The following PPIL4 variants were observed in gnomAD, a reference collection of about 807,000 sequenced individuals.
PPIL4 encodes peptidyl-prolyl cis-trans isomerase-like 4.
PPIL4 carries 50 observed loss-of-function variants against 69.1 expected under a neutral mutation model. That is an observed-to-expected ratio of 0.72 (90% CI 0.58 to 0.92). The LOEUF (loss-of-function observed/expected upper bound fraction) is 0.92. Ranked by LOEUF, PPIL4 falls within the 40% of genes least tolerant of loss-of-function variation. The pLI, the probability that PPIL4 is intolerant of heterozygous loss-of-function variation, is 0.00. For missense variants in PPIL4, 480 were observed against 587.9 expected (o/e 0.82, Z 1.90); for synonymous variants, 193 against 191.6 (o/e 1.01, Z -0.06).
intron 12 of PPIL4, 135 bp from the exon 13 acceptor site, chr6:149,505,839 G>T: frequency 2.9e-6 from 2 of 681,034 alleles, no homozygotes; most frequent in South Asian, 2.0e-5. Context: ...TACCACTAAT[G>T]TCAAGAATCT....
intron 12 of PPIL4, among the ~76,000 whole-genome samples, chr6:149,511,315 G>T (rs765223170): frequency 2.0e-5 from 3 of 152,006 alleles, no homozygotes; most frequent in Non-Finnish European, 4.4e-5. Flanking sequence ...GCTCACTGCA[G>T]CCTCTACCTC....
Position 149,522,347 on chromosome 6 carries a change from C to T in PPIL4, c.871-1176G>A, listed in dbSNP as rs891852102. On this transcript the variant is annotated intron_variant, in intron 9 of 12. Transcript: ENST00000253329. ...AAAATAAATATTCAAAAGTCAAAAACAGCTATGACAATCTTCAAAAACAAC... is the reference window on the plus strand; with the variant it reads ...AAAATAAATATTCAAAAGTCAAAAATAGCTATGACAATCTTCAAAAACAAC... 2.0e-5 allele frequency among the ~76,000 whole-genome samples: 3 copies of T among 152,224 alleles called. No homozygotes were observed. The East Asian group carries it at 5.8e-4, about 29-fold the overall frequency.
chr6:149,510,409 A>C lies in PPIL4; in HGVS notation c.1227+1746T>G, dbSNP rs141323971. Among the ~76,000 whole-genome samples the C allele has an allele frequency of 2.6e-4, 39 of 152,328 alleles. No homozygotes were observed. In the East Asian group the frequency reaches 6.8e-3, roughly 26 times the overall value. On this transcript the variant is annotated intron_variant, in intron 12 of 12. Coordinates refer to ENST00000253329, the MANE Select transcript of PPIL4 (RefSeq NM_139126.4). Reference sequence around the variant, plus strand: ...AGTTTTTAAAACTACAAAACAAAAAATTGTTAAAGCAACCCTTAAAACATT... The same window carrying C: ...AGTTTTTAAAACTACAAAACAAAAACTTGTTAAAGCAACCCTTAAAACATT...
At chr6:149,514,962 G>T (rs750276825) in intron 11 of PPIL4, among the ~76,000 whole-genome samples, 8 of 151,230 alleles carry the variant, frequency 5.3e-5, no homozygotes, top group Non-Finnish European at 1.0e-4. Context: ...TCAGCCTCCC[G>T]AGTAGCTGGG....
intron 12 of PPIL4, among the ~76,000 whole-genome samples, chr6:149,511,396 A>ATT (rs1212059364): frequency 6.8e-6 from 1 of 147,118 alleles, no homozygotes; most frequent in Non-Finnish European, 1.5e-5. Context: ...TGCCTGGCCA[A>ATT]TTGTGTGTGT....
chr6:149,533,589 G>A lies in PPIL4; in HGVS notation c.562-15C>T, dbSNP rs1179138319. 11 of 1,397,156 alleles carry A rather than the reference G, an allele frequency of 7.9e-6. No homozygotes were observed. Among genetic ancestry groups the A allele is most frequent in the African/African-American group, 5.7e-5 (4 of 70,260 alleles). The allele number at this position is 1,397,156 out of a possible 1,614,324, so 86.5% of individuals were successfully genotyped here. On this transcript the variant is annotated splice_polypyrimidine_tract_variant and intron_variant, in intron 6 of 12. Coordinates refer to ENST00000253329, the MANE Select transcript of PPIL4 (RefSeq NM_139126.4). ...ATTCGACCACTCTGTTAAGACAGAA[G>A]TTACTCATGTATATATTTAAAGAAT...
chr6:149,523,441 A>G (rs1777061070), intron 9 of PPIL4, among the ~76,000 whole-genome samples: 1 of 152,248 alleles, frequency 6.6e-6, no homozygotes, highest in Admixed American at 6.5e-5. Flanking sequence ...CTATAATTCC[A>G]GCACTTTGGG....
At position 149,505,750 on chromosome 6, in the gene PPIL4, T is replaced by A. The variant is rs201622300; in HGVS notation, c.1228-46A>T. On this transcript the variant is annotated intron_variant, in intron 12 of 12. Transcript: ENST00000253329. ...TACAAGTGAATCAGTAAAATAATCA[T>A]TTTGTGGGCATTTTCAATTAATAAA... 2,135 of 1,560,458 alleles carry A rather than the reference T, an allele frequency of 1.4e-3. 42 individuals are homozygous for A. The South Asian group carries it at 0.024, about 18-fold the overall frequency.
At chr6:149,523,931 T>G (rs1352941087) in intron 9 of PPIL4, among the ~76,000 whole-genome samples, 15 of 152,210 alleles carry the variant, frequency 9.9e-5, no homozygotes, top group Non-Finnish European at 2.2e-4. Context: ...CTGGTACATC[T>G]GACACAGTGC....
rs200207033 is a variant in PPIL4 at position 149,521,122 on chromosome 6, T to A, written c.920A>T (p.Asp307Val). The A allele has an allele frequency of 7.5e-6, 12 of 1,608,296 alleles. No homozygotes were observed. The highest frequency in any genetic ancestry group is 1.0e-5 in the Non-Finnish European group (12 of 1,176,160). ...AFFKMDNVLIDDRRIHVDFSQ... is the reference protein window; with the variant it reads ...AFFKMDNVLIVDRRIHVDFSQ... ...AAAATCCACATGTATTCTTCTGTCA[T>A]CTATAAGCACATTGTCCATTTTGAA... The change falls in exon 10 of 13, where the codon GAT becomes GTT. Residue 307 changes from aspartate to valine, a missense_variant. Transcript: ENST00000253329.
chr6:149,521,664 TTG>T (rs1777031983), intron 9 of PPIL4, among the ~76,000 whole-genome samples: 1 of 152,222 alleles, frequency 6.6e-6, no homozygotes, highest in Non-Finnish European at 1.5e-5. Flanking sequence ...AGAAATACTT[TTG>T]TGACAGATTA....
chr6:149,526,812 CTATT>C, intron 7 of PPIL4, 36 bp from the exon 8 acceptor site: 2 of 1,598,110 alleles, frequency 1.3e-6, no homozygotes, highest in Non-Finnish European at 1.7e-6. Context: ...AAATCAATTC[CTATT>C]TAGTTTCCAT....
At chr6:149,527,375 A>G (rs1168360172) in intron 7 of PPIL4, among the ~76,000 whole-genome samples, 3 of 152,196 alleles carry the variant, frequency 2.0e-5, no homozygotes, top group Non-Finnish European at 4.4e-5. Flanking sequence ...TAAAATAAAG[A>G]CAAGTAAAGT....
intron 11 of PPIL4, among the ~76,000 whole-genome samples, chr6:149,514,050 C>T (rs553097442): frequency 2.6e-5 from 4 of 152,320 alleles, no homozygotes; most frequent in African/African-American, 9.6e-5. Context: ...GTCTGCTTCA[C>T]AAAGCCACAA....
chr6:149,505,945 A>C (rs908895712), intron 12 of PPIL4, among the ~76,000 whole-genome samples: 1 of 152,222 alleles, frequency 6.6e-6, no homozygotes, highest in Non-Finnish European at 1.5e-5. Flanking sequence ...ATCAGCTTCA[A>C]AAATATGGAA....
At chr6:149,529,625 C>A (rs182104945) in intron 7 of PPIL4, among the ~76,000 whole-genome samples, 1 of 147,118 alleles carries the variant, frequency 6.8e-6, no homozygotes, top group Admixed American at 6.7e-5. Context: ...TAGCCGGGCG[C>A]GGTGGCACGT....
At chr6:149,516,062 C>A (rs1458464234) in intron 11 of PPIL4, among the ~76,000 whole-genome samples, 2 of 152,104 alleles carry the variant, frequency 1.3e-5, no homozygotes, top group Non-Finnish European at 2.9e-5. Context: ...CTACACTATT[C>A]CATATAAGTA....
chr6:149,535,198 T>G (rs1235798545), intron 5 of PPIL4, among the ~76,000 whole-genome samples: 1 of 151,996 alleles, frequency 6.6e-6, no homozygotes, highest in Admixed American at 6.6e-5. Context: ...CTACTAAAAA[T>G]ACAAAAAATT....
intron 9 of PPIL4, among the ~76,000 whole-genome samples, chr6:149,522,020 T>C (rs1157893434): frequency 6.6e-6 from 1 of 152,262 alleles, no homozygotes; most frequent in Non-Finnish European, 1.5e-5. Context: ...ATCATATTTA[T>C]TACATGTCAA....
Sources: allele counts gnomAD v4.1 joint callset (sites outside exome capture counted in the v4.1 genomes callset), GRCh38; gene constraint gnomAD v4.1.1; transcripts MANE v1.5; gene names NCBI Gene and HGNC (gene_info 2026-07-23, HGNC 2026-07-21).